Variants in NRG3 observed in about 807,000 individuals in gnomAD.
NRG3 encodes neuregulin 3.
NRG3 carries 31 observed loss-of-function variants against 66.9 expected under a neutral mutation model. The ratio of observed to expected loss-of-function variants is 0.46; its 90% confidence interval spans 0.35 to 0.63. The LOEUF (loss-of-function observed/expected upper bound fraction) is 0.63. Among genes scored for constraint, NRG3 ranks in the 20% least tolerant of loss-of-function variants. The pLI, the probability that NRG3 is intolerant of heterozygous loss-of-function variation, is 0.00. For missense variants in NRG3, 910 were observed against 878.9 expected (o/e 1.04, Z -0.45); for synonymous variants, 393 against 359.4 (o/e 1.09, Z -1.06).
rs2079068493 is a variant in NRG3 at position 82,280,481 on chromosome 10, T to A, written c.824-78258T>A. Among the ~76,000 whole-genome samples, 5 of 152,320 alleles carry A rather than the reference T, an allele frequency of 3.3e-5. No individual in the cohort carries two copies. The South Asian group carries it at 1.0e-3, about 32-fold the overall frequency. ...ATACCCTACAGTAATCACTGTCAAA[T>A]ATCAAAAGATGACTCCTTTTATAGC... On this transcript the variant is annotated intron_variant, in intron 1 of 8. Transcript: ENST00000372141.
chr10:82,974,708 A>G (rs1852085834), intron 7 of NRG3, among the ~76,000 whole-genome samples: 1 of 152,240 alleles, frequency 6.6e-6, no homozygotes. Context: ...GAAAAATTAA[A>G]CATTTTAACA....
intron 2 of NRG3, among the ~76,000 whole-genome samples, chr10:82,605,357 AC>A (rs1488478695): frequency 2.0e-5 from 3 of 151,860 alleles, no homozygotes; most frequent in African/African-American, 7.3e-5. Flanking sequence ...TTTTCCTTTA[AC>A]CCATTGATAT....
intron 2 of NRG3, among the ~76,000 whole-genome samples, chr10:82,434,868 G>C (rs576485214): frequency 6.6e-6 from 1 of 152,082 alleles, no homozygotes; most frequent in African/African-American, 2.4e-5. Flanking sequence ...GAGAATTTTT[G>C]CACTGATGTT....
rs531185058 is a variant in NRG3 at position 81,969,364 on chromosome 10, G to T, written c.823+93201G>T. The stretch of plus-strand genomic sequence containing the variant: ...ACCTGCAAATGCAAATCAATGTCTT[G>T]TTCCCCCTAAAATCAATAGGTCCCC... On this transcript the variant is annotated intron_variant, in intron 1 of 8. Coordinates refer to ENST00000372141, the MANE Select transcript of NRG3 (RefSeq NM_001010848.4). 1.1e-4 allele frequency among the ~76,000 whole-genome samples: 17 copies of T among 152,316 alleles called. No homozygotes were observed. The South Asian group carries it at 3.5e-3, about 32-fold the overall frequency.
At chr10:82,484,591 C>A (rs1272822747) in intron 2 of NRG3, among the ~76,000 whole-genome samples, 1 of 152,218 alleles carries the variant, frequency 6.6e-6, no homozygotes, top group African/African-American at 2.4e-5. Flanking sequence ...TTAATTACAT[C>A]TACAAATTCC....
chr10:82,284,868 C>T (rs2079325410), intron 1 of NRG3, among the ~76,000 whole-genome samples: 1 of 152,084 alleles, frequency 6.6e-6, no homozygotes, highest in Non-Finnish European at 1.5e-5. Flanking sequence ...GTTATTGTTT[C>T]CCATTCCAAT....
chr10:82,767,110 A>G (rs1307531833), intron 3 of NRG3, among the ~76,000 whole-genome samples: 1 of 151,670 alleles, frequency 6.6e-6, no homozygotes, highest in Non-Finnish European at 1.5e-5. Flanking sequence ...AATTTTGATT[A>G]TATTTCCTTT....
At chr10:82,325,115 T>C (rs1356460782) in intron 1 of NRG3, among the ~76,000 whole-genome samples, 1 of 152,238 alleles carries the variant, frequency 6.6e-6, no homozygotes, top group Non-Finnish European at 1.5e-5. Context: ...TTTATCATTG[T>C]TATGCATCCT....
At chr10:82,764,938 G>A (rs911064547) in intron 3 of NRG3, among the ~76,000 whole-genome samples, 2 of 152,058 alleles carry the variant, frequency 1.3e-5, no homozygotes, top group African/African-American at 4.8e-5. Context: ...TGAAAATCAT[G>A]TCATATGACA....
intron 3 of NRG3, among the ~76,000 whole-genome samples, chr10:82,778,351 G>T (rs1403366579): frequency 6.6e-6 from 1 of 152,152 alleles, no homozygotes; most frequent in Non-Finnish European, 1.5e-5. Flanking sequence ...AAGGAAAGAG[G>T]TTTAATTGAC....
rs1007611963 is a variant in NRG3 at position 82,875,692 on chromosome 10, T to C, written c.1054+10255T>C. On this transcript the variant is annotated intron_variant, in intron 4 of 8. Coordinates refer to ENST00000372141, the MANE Select transcript of NRG3 (RefSeq NM_001010848.4). Reference sequence around the variant, plus strand: ...CCTTTACACTTTGATTTTCTGTTGGTTTATTTTAACATGGGCTTCAGTACA... The same window carrying C: ...CCTTTACACTTTGATTTTCTGTTGGCTTATTTTAACATGGGCTTCAGTACA... Among the ~76,000 whole-genome samples the C allele has an allele frequency of 5.3e-5, 8 of 152,320 alleles. No homozygotes were observed. The East Asian group carries it at 1.5e-3, about 29-fold the overall frequency.
Position 82,213,887 on chromosome 10 carries a change from C to T in NRG3, c.824-144852C>T, listed in dbSNP as rs192649482. Among the ~76,000 whole-genome samples the T allele has an allele frequency of 5.0e-4, 76 of 152,230 alleles. No homozygotes were observed. In the East Asian group the frequency reaches 0.013, roughly 26 times the overall value. On this transcript the variant is annotated intron_variant, in intron 1 of 8. Coordinates refer to ENST00000372141, the MANE Select transcript of NRG3 (RefSeq NM_001010848.4). ...ATCTGGAGGTAAGTAGCACCAGAGT[C>T]GGCTTATTCGACTGCTCAAACCCAT...
At chr10:82,411,240 G>C (rs2088060284) in intron 2 of NRG3, among the ~76,000 whole-genome samples, 1 of 151,982 alleles carries the variant, frequency 6.6e-6, no homozygotes, top group Non-Finnish European at 1.5e-5. Context: ...TTTTTTACTT[G>C]ATATTTATAA....
intron 1 of NRG3, among the ~76,000 whole-genome samples, chr10:82,071,240 T>G (rs1225096941): frequency 6.6e-6 from 1 of 152,158 alleles, no homozygotes; most frequent in Non-Finnish European, 1.5e-5. Flanking sequence ...CTTGTCATAC[T>G]AGAGAACCAA....
Position 81,980,769 on chromosome 10 carries a change from G to A in NRG3, c.823+104606G>A, listed in dbSNP as rs528804461. ...CTAGAAGTTCAAGAGCAAGTTGTTG[G>A]AAGATGTAGTTTCTTCTGAGGACCT... On this transcript the variant is annotated intron_variant, in intron 1 of 8. Coordinates refer to ENST00000372141, the MANE Select transcript of NRG3 (RefSeq NM_001010848.4). Among the ~76,000 whole-genome samples, 35 of 152,322 alleles carry A rather than the reference G, an allele frequency of 2.3e-4. 1 individual carries two copies. The highest frequency in any genetic ancestry group is 7.2e-4 in the African/African-American group (30 of 41,580).
At chr10:82,762,236 C>T (rs913083520) in intron 3 of NRG3, among the ~76,000 whole-genome samples, 7 of 151,936 alleles carry the variant, frequency 4.6e-5, no homozygotes, top group African/African-American at 1.5e-4. Context: ...AATCCACCCA[C>T]CTTAGACTCC....
chr10:81,898,260 C>T (rs1843701372), intron 1 of NRG3, among the ~76,000 whole-genome samples: 1 of 152,200 alleles, frequency 6.6e-6, no homozygotes, highest in Non-Finnish European at 1.5e-5. Context: ...TCACAAGACC[C>T]CTGCCAGCAA....
At chr10:82,656,308 C>CTTTTTTTT (rs3040205) in intron 2 of NRG3, among the ~76,000 whole-genome samples, 254 of 131,546 alleles carry the variant, frequency 1.9e-3, no homozygotes, top group Non-Finnish European at 2.8e-3. Context: ...TTTCTTTTTT[C>CTTTTTTTT]TTTTTTTTTT....
chr10:82,596,472 G>A (rs560372858), intron 2 of NRG3, among the ~76,000 whole-genome samples: 1 of 152,144 alleles, frequency 6.6e-6, no homozygotes, highest in Non-Finnish European at 1.5e-5. Flanking sequence ...AGATAAGAGG[G>A]GAAGGTTTTT....
Sources: allele counts gnomAD v4.1 joint callset (sites outside exome capture counted in the v4.1 genomes callset), GRCh38; gene constraint gnomAD v4.1.1; transcripts MANE v1.5; gene names NCBI Gene and HGNC (gene_info 2026-07-23, HGNC 2026-07-21).